Variants in STAT2 observed in about 807,000 individuals in gnomAD.
STAT2 encodes signal transducer and activator of transcription 2, also known as interferon alpha induced transcriptional activator.
In STAT2, 51 loss-of-function variants were observed where a neutral mutation model predicts 122.3. The observed-to-expected ratio is 0.42, with a 90% CI of 0.33 to 0.53. STAT2 has a LOEUF of 0.53. STAT2 is among the 20% of genes least tolerant of loss of function. The pLI, the probability that STAT2 is intolerant of heterozygous loss-of-function variation, is 0.10. For missense variants in STAT2, 736 were observed against 1,010.3 expected (o/e 0.73, Z 3.68); for synonymous variants, 351 against 394.9 (o/e 0.89, Z 1.32).
At chr12:56,355,409 G>A (rs762617) in intron 5 of STAT2, 34 bp downstream of exon 5, 13 of 1,613,620 alleles carry the variant, frequency 8.1e-6, no homozygotes, top group East Asian at 2.2e-5. Flanking sequence ...TAGGCTGAAC[G>A]CTGTCAACCC....
rs764950726 is a variant in STAT2 at position 56,349,264 on chromosome 12, G to A, written c.1342-3C>T. 1 of 1,614,154 alleles carries A rather than the reference G, an allele frequency of 6.2e-7. No individual in the cohort carries two copies. Reference sequence around the variant, plus strand: ...ATCACCACAGGGAGGGTGTCCGTCTGGGGAGAAGACAGGAGTCACAGAGAG... The same window carrying A: ...ATCACCACAGGGAGGGTGTCCGTCTAGGGAGAAGACAGGAGTCACAGAGAG... On this transcript the variant is annotated splice_polypyrimidine_tract_variant and splice_region_variant and intron_variant, in intron 15 of 23. Coordinates refer to ENST00000314128, the MANE Select transcript of STAT2 (RefSeq NM_005419.4).
chr12:56,349,040 T>G lies in STAT2; in HGVS notation c.1460A>C (p.Asn487Thr), dbSNP rs1468678981. 1 of 1,612,694 alleles carries G rather than the reference T, an allele frequency of 6.2e-7. No individual in the cohort carries two copies. The highest frequency in any genetic ancestry group is 1.3e-5 in the African/African-American group (1 of 74,656). Residue 487 changes from asparagine (N) to threonine (T), a missense_variant, in exon 17 of 24, where the codon AAC becomes ACC. By Grantham distance (65) the Asn-to-Thr change is moderately conservative. Coordinates refer to ENST00000314128, the MANE Select transcript of STAT2 (RefSeq NM_005419.4). ...CAAGCTCCAGGGGGCCTTGGGGGGG[T>G]TGGAGAAGAACTGCTGGTTCTGCAG... ...PNLQNQQFFS[N>T]PPKAPWSLLG...
Position 56,356,504 on chromosome 12 carries a change from G to A in STAT2, c.68C>T (p.Ser23Leu). 7 of 1,614,204 alleles carry A rather than the reference G, an allele frequency of 4.3e-6. No homozygotes were observed. The highest frequency in any genetic ancestry group is 5.9e-6 in the Non-Finnish European group (7 of 1,180,038). ...AATGTCCACAGGCAGGAGGCTGTGC[G>A]AGTAAAGCTGGTGCAGCTGATCCTG... ...PFQDQLHQLY[S>L]HSLLPVDIRQ... The change falls in exon 2 of 24, where the codon TCG becomes TTG. Residue 23 changes from serine to leucine, a missense_variant. By Grantham distance (145) the Ser-to-Leu change is moderately radical. Transcript: ENST00000314128.
chr12:56,352,572 G>A (rs1878699143), intron 8 of STAT2: 2 of 149,850 alleles, frequency 1.3e-5, no homozygotes, highest in South Asian at 4.1e-4. Flanking sequence ...GGGAGACAGA[G>A]AGAGACCCTG....
intron 1 of STAT2, among the ~76,000 whole-genome samples, chr12:56,358,912 G>C (rs965208972): frequency 2.6e-5 from 4 of 152,084 alleles, no homozygotes; most frequent in South Asian, 2.1e-4. Flanking sequence ...ACAACAAATT[G>C]GTTTTTGCCT....
In STAT2 at chr12:56,343,530, G is replaced by C; in HGVS notation, c.2415C>G (p.Ile805Met). The C allele has an allele frequency of 6.2e-7, 1 of 1,613,670 alleles. No individual in the cohort carries two copies. Among genetic ancestry groups the C allele is most frequent in the Non-Finnish European group, 8.5e-7 (1 of 1,179,756 alleles). Reference sequence around the variant, plus strand: ...CTTCAATCTTTACACAGTTTCTGAAGACTAGGTAATCCAGAGAGAAAAGTG... The same window carrying C: ...CTTCAATCTTTACACAGTTTCTGAACACTAGGTAATCCAGAGAGAAAAGTG... The part of the protein sequence containing the change: ...LRHLNTEPME[I>M]FRNCVKIEEI... Residue 805 changes from isoleucine (I) to methionine (M), a missense_variant and splice_region_variant, in exon 24 of 24, where the codon ATC becomes ATG. By Grantham distance (10) the Ile-to-Met change is conservative (BLOSUM62 1). Coordinates refer to ENST00000314128, the MANE Select transcript of STAT2 (RefSeq NM_005419.4).
At chr12:56,359,611 A>G (rs1360617062) in intron 1 of STAT2, among the ~76,000 whole-genome samples, 1 of 152,236 alleles carries the variant, frequency 6.6e-6, no homozygotes, top group Non-Finnish European at 1.5e-5. Context: ...TTTGCACTCA[A>G]GAAGCTTTTC....
chr12:56,352,011 G>A (rs1368178260), intron 8 of STAT2, among the ~76,000 whole-genome samples: 2 of 152,014 alleles, frequency 1.3e-5, no homozygotes, highest in African/African-American at 4.8e-5. Context: ...TCCTGCCTTG[G>A]CCTCCCGAGT....
At chr12:56,359,926 G>A (rs1251899646) in intron 1 of STAT2, 132 bp downstream of exon 1, 6 of 452,750 alleles carry the variant, frequency 1.3e-5, no homozygotes, top group African/African-American at 2.1e-5. Flanking sequence ...GCAGGCGACA[G>A]CTCCTATTTC....
At position 56,354,485 on chromosome 12, in the gene STAT2, A is replaced by G. The variant is rs768224403; in HGVS notation, c.763T>C (p.Leu255=). The G allele has an allele frequency of 3.7e-6, 6 of 1,614,116 alleles. No individual in the cohort carries two copies. The highest frequency in any genetic ancestry group is 4.5e-5 in the East Asian group (2 of 44,874). Residue 255 remains leucine, a synonymous_variant, in exon 8 of 24, where the codon TTG becomes CTG. Coordinates refer to ENST00000314128, the MANE Select transcript of STAT2 (RefSeq NM_005419.4). Reference sequence around the variant, plus strand: ...TCTCACCATGTCTCCAGCTGTTCCAACCCGTGGTCAATGGGAGCTCTGATG... The same window carrying G: ...TCTCACCATGTCTCCAGCTGTTCCAGCCCGTGGTCAATGGGAGCTCTGATG... ...ACIRAPIDHG[L]EQLETWFTAG... is the part of the protein sequence containing the mutation.
chr12:56,355,791 C>G lies in STAT2; in HGVS notation c.298G>C (p.Asp100His). The G allele has an allele frequency of 6.2e-7, 1 of 1,614,118 alleles. No individual in the cohort carries two copies. Among genetic ancestry groups the G allele is most frequent in the Non-Finnish European group, 8.5e-7 (1 of 1,180,020 alleles). The change falls in exon 4 of 24, where the codon GAT becomes CAT. Residue 100 changes from aspartate (D) to histidine (H), a missense_variant. By Grantham distance (81) the Asp-to-His change is moderately conservative (BLOSUM62 -1). Transcript: ENST00000314128. ...FCRDIQPFSQ[D>H]PTQLAEMIFN... ...ATCATCTCAGCCAACTGGGTAGGAT[C>G]CTGGGAAAAGGGCTAGAATAGGTAA...
intron 8 of STAT2, among the ~76,000 whole-genome samples, chr12:56,354,188 TAA>T (rs1337645270): frequency 7.2e-6 from 1 of 139,194 alleles, no homozygotes; most frequent in Non-Finnish European, 1.6e-5. Flanking sequence ...TTCGTTGCAG[TAA>T]AAAAAAAAAT....
intron 8 of STAT2, among the ~76,000 whole-genome samples, chr12:56,352,717 T>TA (rs1378240874): frequency 6.7e-6 from 1 of 149,302 alleles, no homozygotes; most frequent in Non-Finnish European, 1.5e-5. Flanking sequence ...TTTTTTTTTT[T>TA]AAGAGGTGAG....
intron 23 of STAT2, 106 bp from the exon 24 acceptor site, chr12:56,343,637 G>A (rs1272186061): frequency 6.6e-7 from 1 of 1,523,152 alleles, no homozygotes; most frequent in Admixed American, 2.0e-5. Flanking sequence ...AAGAGCCTGA[G>A]TGGGAACTTG....
In STAT2 at chr12:56,354,458, C is replaced by T. The variant is rs1879197895; in HGVS notation, c.782+8G>A. On this transcript the variant is annotated splice_region_variant and intron_variant, in intron 8 of 23. Coordinates refer to ENST00000314128, the MANE Select transcript of STAT2 (RefSeq NM_005419.4). ...GGCGAGGACGAGGGTTGGGGTGGTA[C>T]CTCTCACCATGTCTCCAGCTGTTCC... is the stretch of plus-strand genomic sequence containing the variant. 1 of 1,614,012 alleles carries T rather than the reference C, an allele frequency of 6.2e-7. No homozygotes were observed. Among genetic ancestry groups the T allele is most frequent in the East Asian group, 2.2e-5 (1 of 44,870 alleles).
At chr12:56,347,537 C>T (rs955893405) in intron 19 of STAT2, among the ~76,000 whole-genome samples, 4 of 151,964 alleles carry the variant, frequency 2.6e-5, no homozygotes, top group Non-Finnish European at 5.9e-5. Flanking sequence ...GAGTCTTGCT[C>T]TGTCACCCAG....
intron 13 of STAT2, 103 bp from the exon 14 acceptor site, chr12:56,349,739 C>T: frequency 6.8e-7 from 1 of 1,462,238 alleles, no homozygotes; most frequent in Admixed American, 1.7e-5. Context: ...GAACTTCCCC[C>T]AACCCCTGTT....
Position 56,356,272 on chromosome 12 carries a change from G to A in STAT2, c.145C>T (p.Leu49Phe). 1 of 1,611,700 alleles carries A rather than the reference G, an allele frequency of 6.2e-7. No individual in the cohort carries two copies. Among genetic ancestry groups the A allele is most frequent in the Non-Finnish European group, 8.5e-7 (1 of 1,180,010 alleles). The change falls in exon 3 of 24, where the codon CTT becomes TTT. Residue 49 changes from leucine (L) to phenylalanine (F), a missense_variant. Coordinates refer to ENST00000314128, the MANE Select transcript of STAT2 (RefSeq NM_005419.4). ...IEDQNWQEAA[L>F]GSDDSKATML... ...GTAGCCTTGGAATCATCACTCCCAAGTGCAGCTTCCTGCCTGGGCACCAGG... is the reference window on the plus strand; with the variant it reads ...GTAGCCTTGGAATCATCACTCCCAAATGCAGCTTCCTGCCTGGGCACCAGG...
chr12:56,355,497 C>T lies in STAT2; in HGVS notation c.417G>A (p.Glu139=). 1.2e-6 allele frequency: 2 copies of T among 1,614,196 alleles called. No homozygotes were observed. Among genetic ancestry groups the T allele is most frequent in the Non-Finnish European group, 1.7e-6 (2 of 1,180,036 alleles). ...QGEPVLETPV[E]SQQHEIESRI... Reference sequence around the variant, plus strand: ...GGGATTCAATCTCATGTTGCTGGCTCTCCACAGGTGTTTCGAGAACTGGCT... The same window carrying T: ...GGGATTCAATCTCATGTTGCTGGCTTTCCACAGGTGTTTCGAGAACTGGCT... The change falls in exon 5 of 24, where the codon GAG becomes GAA. Residue 139 remains glutamate (E), a synonymous_variant. Transcript: ENST00000314128.
Sources: allele counts gnomAD v4.1 joint callset (sites outside exome capture counted in the v4.1 genomes callset), GRCh38; gene constraint gnomAD v4.1.1; transcripts MANE v1.5; gene names NCBI Gene and HGNC (gene_info 2026-07-23, HGNC 2026-07-21).